Variants in SLC25A48 observed in about 807,000 individuals in gnomAD.
SLC25A48 encodes solute carrier family 25 member 48.
Under a neutral mutation model 32.2 loss-of-function variants are expected in SLC25A48, and 29 were observed. The ratio of observed to expected loss-of-function variants is 0.90; its 90% confidence interval spans 0.67 to 1.23. The LOEUF (loss-of-function observed/expected upper bound fraction) is 1.23. Among genes scored for constraint, SLC25A48 ranks in the 50% most tolerant of loss-of-function variants. The probability of loss-of-function intolerance (pLI) is 0.00; values close to 1 mark genes in which losing one functional copy is unlikely to be tolerated. For missense variants in SLC25A48, 399 were observed against 422.7 expected (o/e 0.94, Z 0.49); for synonymous variants, 164 against 172.3 (o/e 0.95, Z 0.38).
At chr5:135,635,570 T>C (rs1215102080) in intron 3 of SLC25A48, among the ~76,000 whole-genome samples, 1 of 152,244 alleles carries the variant, frequency 6.6e-6, no homozygotes, top group Admixed American at 6.5e-5. Flanking sequence ...ATTTTCTTAA[T>C]ACTGGTCATT....
chr5:135,887,460 G>T (rs961770511), intron 7 of SLC25A48, among the ~76,000 whole-genome samples: 1 of 151,902 alleles, frequency 6.6e-6, no homozygotes, highest in African/African-American at 2.4e-5. Context: ...ATATGTGTGT[G>T]TGTGTGTGTG....
intron 1 of SLC25A48, among the ~76,000 whole-genome samples, chr5:135,596,011 T>C (rs1370131190): frequency 6.6e-6 from 1 of 152,178 alleles, no homozygotes; most frequent in Non-Finnish European, 1.5e-5. Flanking sequence ...CATCTCCACC[T>C]GTCACTCGGC....
chr5:135,854,120 C>T (rs1760117610), intron 4 of SLC25A48, among the ~76,000 whole-genome samples: 1 of 152,332 alleles, frequency 6.6e-6, no homozygotes, highest in East Asian at 1.9e-4. Flanking sequence ...ATGCTGTAAA[C>T]AGATGTGCTG....
In SLC25A48 at chr5:135,850,366, G is replaced by T; in HGVS notation, c.91-59G>T. 1.3e-6 allele frequency: 2 copies of T among 1,549,032 alleles called. 1 individual carries two copies. On this transcript the variant is annotated intron_variant, in intron 2 of 7. Transcript: ENST00000681962. ...AGGGCCTTTCCCTCTGGGCATCTCC[G>T]GAGCAGTGGGGCTATGAATAACCTC...
chr5:135,771,468 G>A (rs944105029), intron 3 of SLC25A48, among the ~76,000 whole-genome samples: 6 of 151,464 alleles, frequency 4.0e-5, no homozygotes, highest in African/African-American at 9.7e-5. Context: ...TCCACATCAT[G>A]GGAATGTACA....
rs145842914 is a variant in SLC25A48 at position 135,860,900 on chromosome 5, A to C, written c.421+8079A>C. Reference sequence around the variant, plus strand: ...GCCTCTGGCTTCTTCGCTCTGGTACATATGACAGGTGGACTGGGGGCCACA... The same window carrying C: ...GCCTCTGGCTTCTTCGCTCTGGTACCTATGACAGGTGGACTGGGGGCCACA... On this transcript the variant is annotated intron_variant, in intron 4 of 7. Transcript: ENST00000681962. 7.2e-5 allele frequency among the ~76,000 whole-genome samples: 11 copies of C among 152,314 alleles called. No individual in the cohort carries two copies. The South Asian group carries it at 8.3e-4, about 11-fold the overall frequency.
rs1186526241 is a variant in SLC25A48, at chr5:135,670,701, C to G, written c.-521+35745C>G. 2.0e-5 allele frequency among the ~76,000 whole-genome samples: 3 copies of G among 152,300 alleles called. No individual in the cohort carries two copies. The East Asian group carries it at 5.8e-4, about 29-fold the overall frequency. On this transcript the variant is annotated intron_variant, in intron 3 of 10. Coordinates refer to the SLC25A48 transcript ENST00000646290. ...TAGCTTTGTCCTGAAAGGGGTCTCA[C>G]TCGGTAGAGCTGGGAGGAAGCATTC... is the stretch of plus-strand genomic sequence containing the variant.
At chr5:135,679,812 G>C (rs962922901) in intron 3 of SLC25A48, among the ~76,000 whole-genome samples, 7 of 152,144 alleles carry the variant, frequency 4.6e-5, no homozygotes, top group Non-Finnish European at 1.0e-4. Context: ...TGGGCTGTCA[G>C]TATAGTGCCT....
At chr5:135,691,873 C>G (rs573887435) in intron 3 of SLC25A48, among the ~76,000 whole-genome samples, 59 of 152,266 alleles carry the variant, frequency 3.9e-4, no homozygotes, top group African/African-American at 1.2e-3. Context: ...GCTGCAGAGT[C>G]CATGTATCAT....
At chr5:135,834,498 T>C (rs1459853440), upstream of SLC25A48, among the ~76,000 whole-genome samples, 1 of 152,234 alleles carries the variant, frequency 6.6e-6, no homozygotes, top group Non-Finnish European at 1.5e-5. Flanking sequence ...GGCTCTGAAG[T>C]TGGCAAGGAA....
chr5:135,600,848 A>ATTT (rs34345064), intron 1 of SLC25A48, among the ~76,000 whole-genome samples: 3 of 132,820 alleles, frequency 2.3e-5, no homozygotes, highest in Non-Finnish European at 5.0e-5. Context: ...ATGCCCGGGT[A>ATTT]TTTTTTTTTT....
chr5:135,697,080 G>T (rs1422855441), intron 3 of SLC25A48, among the ~76,000 whole-genome samples: 1 of 151,762 alleles, frequency 6.6e-6, no homozygotes, highest in Admixed American at 6.6e-5. Context: ...CTATAATTAT[G>T]GTTTTGAAAA....
intron 1 of SLC25A48, among the ~76,000 whole-genome samples, chr5:135,582,929 T>C (rs902146166): frequency 6.6e-6 from 1 of 152,184 alleles, no homozygotes. Flanking sequence ...GTTTATTCAT[T>C]GTATGTGCAG....
chr5:135,813,728 A>G, intron 4 of SLC25A48, among the ~76,000 whole-genome samples: 1 of 152,220 alleles, frequency 6.6e-6, no homozygotes, highest in East Asian at 1.9e-4. Flanking sequence ...ATTAAACACA[A>G]CATCAATCCT....
chr5:135,720,834 G>A (rs1358403421), intron 3 of SLC25A48, among the ~76,000 whole-genome samples: 1 of 152,144 alleles, frequency 6.6e-6, no homozygotes, highest in Non-Finnish European at 1.5e-5. Flanking sequence ...TCTCCTGGTG[G>A]TGGACGGGGA....
chr5:135,783,057 G>A lies in SLC25A48; in HGVS notation c.-520-29466G>A, dbSNP rs1363593710. Among the ~76,000 whole-genome samples, 2 of 116,196 alleles carry A rather than the reference G, an allele frequency of 1.7e-5. 1 individual carries two copies. Among genetic ancestry groups the A allele is most frequent in the Non-Finnish European group, 4.3e-5 (2 of 46,744 alleles). The allele number at this position is 116,196 out of a possible 152,430, so 76.2% of individuals were successfully genotyped here. A position where few individuals can be genotyped will look rare whatever the true frequency, so the allele number is the denominator to read the frequency against. On this transcript the variant is annotated intron_variant, in intron 3 of 10. Coordinates refer to the SLC25A48 transcript ENST00000646290. ...GTGATATTGTTCCTAATTTCAAGGT[G>A]GGGAGAGGATGATATTACTTCCAAT...
At chr5:135,641,109 A>C (rs1752827553) in intron 3 of SLC25A48, among the ~76,000 whole-genome samples, 2 of 152,222 alleles carry the variant, frequency 1.3e-5, no homozygotes, top group African/African-American at 4.8e-5. Flanking sequence ...TCTACAGAAA[A>C]AAATACTGGA....
chr5:135,670,113 A>G (rs995402297), intron 3 of SLC25A48, among the ~76,000 whole-genome samples: 3 of 152,136 alleles, frequency 2.0e-5, no homozygotes, highest in Non-Finnish European at 4.4e-5. Flanking sequence ...TAAGTTTTTC[A>G]AGTCATCCCA....
intron 3 of SLC25A48, among the ~76,000 whole-genome samples, chr5:135,738,703 G>C (rs964233586): frequency 6.6e-6 from 1 of 152,192 alleles, no homozygotes; most frequent in East Asian, 1.9e-4. Flanking sequence ...AGCCCCACAG[G>C]AGGGCCTCGC....
Sources: gnomAD v4.1 joint callset for allele counts (sites outside exome capture counted in the v4.1 genomes callset) on GRCh38, gnomAD v4.1.1 for gene constraint, MANE v1.5 for transcripts, NCBI Gene and HGNC (gene_info 2026-07-23, HGNC 2026-07-21) for gene names.